Variants in QTMAN observed in about 807,000 individuals in gnomAD.
QTMAN encodes queuosine-tRNA mannosyltransferase, also known as tRNA-queuosine alpha-mannosyltransferase.
the QTMAN span, among the ~76,000 whole-genome samples, chr2:144,255,572 T>C: frequency 6.6e-6 from 1 of 152,140 alleles, no homozygotes; most frequent in Non-Finnish European, 1.5e-5. Flanking sequence ...AAACATATAT[T>C]GCTAAGTGAA....
the QTMAN span, among the ~76,000 whole-genome samples, chr2:144,087,814 C>G: frequency 6.6e-6 from 1 of 151,994 alleles, no homozygotes; most frequent in African/African-American, 2.4e-5. Flanking sequence ...ATAATAAAGT[C>G]ATATACAACA....
the QTMAN span, among the ~76,000 whole-genome samples, chr2:144,110,966 C>T: frequency 2.5e-4 from 38 of 152,202 alleles, no homozygotes; most frequent in African/African-American, 8.9e-4. Context: ...GAACTATTTC[C>T]TACATTAAGA....
chr2:144,193,707 T>G, the QTMAN span, among the ~76,000 whole-genome samples: 88 of 152,124 alleles, frequency 5.8e-4, no homozygotes, highest in African/African-American at 1.7e-3. Context: ...TAAATTTTTT[T>G]GTAACAACAG....
the QTMAN span, among the ~76,000 whole-genome samples, chr2:144,086,252 G>A: frequency 6.6e-6 from 1 of 152,140 alleles, no homozygotes. Flanking sequence ...GGAATGACAG[G>A]GTGAGTGGTA....
chr2:144,098,928 T>C, the QTMAN span, among the ~76,000 whole-genome samples: 1 of 152,038 alleles, frequency 6.6e-6, no homozygotes, highest in African/African-American at 2.4e-5. Context: ...GATTTCCCTT[T>C]CCAGTGTTTT....
chr2:144,270,217 T>C, the QTMAN span, among the ~76,000 whole-genome samples: 1 of 152,142 alleles, frequency 6.6e-6, no homozygotes, highest in East Asian at 1.9e-4. Context: ...GGAGTGTAAA[T>C]TAGTTCAACC....
chr2:143,998,520 A>T, the QTMAN span, among the ~76,000 whole-genome samples: 43 of 152,148 alleles, frequency 2.8e-4, no homozygotes, highest in South Asian at 8.3e-4. Context: ...AAAAAAAAAA[A>T]AAATAAATGA....
At chr2:144,241,631 G>A in the QTMAN span, among the ~76,000 whole-genome samples, 1 of 152,074 alleles carries the variant, frequency 6.6e-6, no homozygotes, top group East Asian at 1.9e-4. Context: ...TATTCTTGCT[G>A]ATCTTTCTTT....
chr2:144,176,821 C>G, the QTMAN span, among the ~76,000 whole-genome samples: 2 of 152,160 alleles, frequency 1.3e-5, no homozygotes, highest in African/African-American at 4.8e-5. Flanking sequence ...GGACACTGTA[C>G]TAGTCTGTTC....
the QTMAN span, among the ~76,000 whole-genome samples, chr2:144,003,159 T>C: frequency 3.4e-4 from 52 of 152,040 alleles, no homozygotes; most frequent in African/African-American, 1.2e-3. Flanking sequence ...CAGTAAACAT[T>C]GATAGGTATA....
chr2:144,217,917 A>T, the QTMAN span, among the ~76,000 whole-genome samples: 1 of 152,228 alleles, frequency 6.6e-6, no homozygotes, highest in African/African-American at 2.4e-5. Flanking sequence ...CTGTGTACTT[A>T]TCACACGTAG....
chr2:144,222,759 G>A, the QTMAN span, among the ~76,000 whole-genome samples: 1 of 152,166 alleles, frequency 6.6e-6, no homozygotes, highest in Non-Finnish European at 1.5e-5. Context: ...AGTGAGCTGA[G>A]ATGGCGCCAC....
At chr2:144,202,685 G>A in the QTMAN span, among the ~76,000 whole-genome samples, 16 of 152,116 alleles carry the variant, frequency 1.1e-4, no homozygotes, top group Admixed American at 9.8e-4. Flanking sequence ...CTCTGTAAAA[G>A]TATAATAAAC....
the QTMAN span, among the ~76,000 whole-genome samples, chr2:144,168,402 C>T: frequency 6.6e-6 from 1 of 152,100 alleles, no homozygotes; most frequent in Admixed American, 6.6e-5. Context: ...ACTGATACTT[C>T]AGATATGTGT....
chr2:144,108,712 A>C, the QTMAN span, among the ~76,000 whole-genome samples: 2 of 150,364 alleles, frequency 1.3e-5, no homozygotes, highest in Admixed American at 6.6e-5. Context: ...ACTTCAGCAA[A>C]GTCTCAGGAT....
the QTMAN span, among the ~76,000 whole-genome samples, chr2:143,977,549 T>C: frequency 2.0e-5 from 3 of 152,068 alleles, no homozygotes; most frequent in Admixed American, 6.6e-5. Context: ...CCTCGAGAGA[T>C]TCCTGAGCCA....
the QTMAN span, among the ~76,000 whole-genome samples, chr2:144,287,194 T>C: frequency 6.6e-6 from 1 of 152,292 alleles, no homozygotes; most frequent in East Asian, 1.9e-4. Context: ...CCCAGCACTT[T>C]GGGAGGCCAA....
the QTMAN span, among the ~76,000 whole-genome samples, chr2:143,956,949 T>C: frequency 3.2e-4 from 49 of 152,252 alleles, no homozygotes; most frequent in South Asian, 8.5e-3. Context: ...TTCAGGCTCT[T>C]GAGAAGACAT....
chr2:144,133,147 ATATAATAT>A, the QTMAN span, among the ~76,000 whole-genome samples: 503 of 49,146 alleles, frequency 0.01, 15 homozygotes, highest in African/African-American at 0.051. Flanking sequence ...ATATATATAT[ATATAATAT>A]AATATAATAT....
Sources: gnomAD v4.1 joint callset for allele counts (sites outside exome capture counted in the v4.1 genomes callset) on GRCh38, gnomAD v4.1.1 for gene constraint, MANE v1.5 for transcripts, NCBI Gene and HGNC (gene_info 2026-07-23, HGNC 2026-07-21) for gene names.